The following PTPN1 variants were observed in gnomAD, a reference collection of about 807,000 sequenced individuals.
PTPN1 encodes protein tyrosine phosphatase non-receptor type 1, also known as tyrosine-protein phosphatase non-receptor type 1.
PTPN1 carries 12 observed loss-of-function variants against 59.9 expected under a neutral mutation model. That is an observed-to-expected ratio of 0.20 (90% CI 0.13 to 0.32). The LOEUF is 0.32. Ranked by LOEUF, PTPN1 falls within the 10% of genes least tolerant of loss-of-function variation. The pLI is 1.00. For missense variants in PTPN1, 356 were observed against 549.2 expected, an observed-to-expected ratio of 0.65 and a Z score of 3.52; for synonymous variants, 178 against 203.6, an observed-to-expected ratio of 0.87 and a Z score of 1.07.
At chr20:50,532,208 C>T (rs1235980290) in intron 1 of PTPN1, among the ~76,000 whole-genome samples, 2 of 152,174 alleles carry the variant, frequency 1.3e-5, no homozygotes, top group African/African-American at 4.8e-5. Flanking sequence ...ACTTTGTGTC[C>T]ATGAGTTTGT....
chr20:50,529,526 T>A (rs2082591555), intron 1 of PTPN1, among the ~76,000 whole-genome samples: 1 of 152,238 alleles, frequency 6.6e-6, no homozygotes, highest in Non-Finnish European at 1.5e-5. Flanking sequence ...GATTTTGATC[T>A]TGCCAGAAAG....
chr20:50,542,057 A>G (rs970988855), intron 1 of PTPN1, among the ~76,000 whole-genome samples: 3 of 152,228 alleles, frequency 2.0e-5, no homozygotes, highest in Non-Finnish European at 4.4e-5. Context: ...GACAGGGACC[A>G]TGACATTACT....
intron 1 of PTPN1, among the ~76,000 whole-genome samples, chr20:50,524,585 T>TTTTTTTTTTG: frequency 7.5e-6 from 1 of 133,376 alleles, no homozygotes; most frequent in Non-Finnish European, 1.6e-5. Flanking sequence ...TTTTTTTTTT[T>TTTTTTTTTTG]TTTTTTTTTG....
chr20:50,543,465 T>A (rs1468117439), intron 1 of PTPN1, among the ~76,000 whole-genome samples: 3 of 152,236 alleles, frequency 2.0e-5, no homozygotes, highest in Non-Finnish European at 4.4e-5. Flanking sequence ...AAAATAGTGA[T>A]GTGTTCATTC....
chr20:50,574,829 A>G, intron 5 of PTPN1, 175 bp downstream of exon 5: 1 of 720,178 alleles, frequency 1.4e-6, no homozygotes, highest in South Asian at 2.1e-5. Context: ...CCAAGTGCCC[A>G]GGGAGGGTGG....
At chr20:50,551,199 GATC>G (rs1400473452) in intron 1 of PTPN1, among the ~76,000 whole-genome samples, 2 of 152,212 alleles carry the variant, frequency 1.3e-5, no homozygotes, top group Non-Finnish European at 2.9e-5. Context: ...TTCATTGGGA[GATC>G]ATCTGTTACC....
chr20:50,554,697 G>T (rs1241050848), intron 1 of PTPN1, among the ~76,000 whole-genome samples: 3 of 152,094 alleles, frequency 2.0e-5, no homozygotes, highest in African/African-American at 7.2e-5. Context: ...GTGGACAAAT[G>T]CTGTTGTCGT....
Position 50,581,368 on chromosome 20 carries a change from G to A in PTPN1, c.1192G>A (p.Asp398Asn). The A allele has an allele frequency of 1.2e-6, 2 of 1,614,190 alleles. No individual in the cohort carries two copies. Among genetic ancestry groups the A allele is most frequent in the African/African-American group, 1.3e-5 (1 of 75,068 alleles). The change falls in exon 9 of 10, where the codon GAC becomes AAC. Residue 398 changes from aspartate (D) to asparagine (N), a missense_variant. Asp to Asn is a conservative substitution (Grantham distance 23). Coordinates refer to ENST00000371621, the MANE Select transcript of PTPN1 (RefSeq NM_002827.4). ...AKGEPSLPEKDEDHALSYWKP... is the reference protein window; with the variant it reads ...AKGEPSLPEKNEDHALSYWKP... The stretch of plus-strand genomic sequence containing the variant: ...AGGGGAGCCGTCACTGCCCGAGAAG[G>A]ACGAGGACCATGCACTGAGTTACTG...
intron 4 of PTPN1, among the ~76,000 whole-genome samples, chr20:50,570,119 C>A (rs892446680): frequency 5.9e-5 from 9 of 152,308 alleles, no homozygotes; most frequent in Non-Finnish European, 1.2e-4. Flanking sequence ...ACAGTCATGG[C>A]CCTAGAATGT....
At chr20:50,543,837 T>G (rs1012759173) in intron 1 of PTPN1, among the ~76,000 whole-genome samples, 2 of 152,188 alleles carry the variant, frequency 1.3e-5, no homozygotes, top group African/African-American at 4.8e-5. Context: ...TACATAAAAA[T>G]TAAAAACTTT....
chr20:50,527,101 A>G (rs575209136), intron 1 of PTPN1, among the ~76,000 whole-genome samples: 4 of 152,206 alleles, frequency 2.6e-5, no homozygotes, highest in South Asian at 2.1e-4. Context: ...GCATCTTGCA[A>G]TAAGGGGTTG....
At chr20:50,524,033 G>A (rs2082562401) in intron 1 of PTPN1, among the ~76,000 whole-genome samples, 1 of 152,104 alleles carries the variant, frequency 6.6e-6, no homozygotes, top group Non-Finnish European at 1.5e-5. Flanking sequence ...CAATGCATAT[G>A]CATTATTCTC....
chr20:50,559,571 A>G lies in PTPN1; in HGVS notation c.64-1792A>G, dbSNP rs368098548. Among the ~76,000 whole-genome samples the G allele has an allele frequency of 1.4e-4, 21 of 152,066 alleles. No homozygotes were observed. The South Asian group carries it at 3.5e-3, about 26-fold the overall frequency. ...TATGAAGAGTACTGGATGGGTCGGG[A>G]GGTTTTCTTGAATTACTTCTTGATG... On this transcript the variant is annotated intron_variant, in intron 1 of 9. Transcript: ENST00000371621.
chr20:50,579,306 A>G lies in PTPN1; in HGVS notation c.841A>G (p.Ile281Val). 6.2e-7 allele frequency: 1 copy of G among 1,614,240 alleles called. No homozygotes were observed. The highest frequency in any genetic ancestry group is 8.5e-7 in the Non-Finnish European group (1 of 1,180,042). ...YLAVIEGAKF[I>V]MGDSSVQDQW... ...GGCTGTGATCGAAGGTGCCAAATTC[A>G]TCATGGGGGACTCTTCCGTGCAGGT... Residue 281 changes from isoleucine (I) to valine (V), a missense_variant, in exon 7 of 10, where the codon ATC (isoleucine) becomes GTC (valine). Ile to Val is a conservative substitution (Grantham distance 29). Transcript: ENST00000371621.
intron 1 of PTPN1, among the ~76,000 whole-genome samples, chr20:50,514,267 C>T (rs1339388076): frequency 6.6e-6 from 1 of 152,116 alleles, no homozygotes; most frequent in Admixed American, 6.5e-5. Context: ...CGTTACTTCT[C>T]CTCCATTTTG....
intron 1 of PTPN1, among the ~76,000 whole-genome samples, chr20:50,542,994 A>G (rs1295215438): frequency 6.6e-6 from 1 of 152,218 alleles, no homozygotes. Flanking sequence ...TGTTATGCCT[A>G]TTATATGAAA....
intron 1 of PTPN1, 66 bp downstream of exon 1, chr20:50,510,656 C>G: frequency 6.7e-7 from 1 of 1,492,970 alleles, no homozygotes; most frequent in Non-Finnish European, 9.1e-7. Context: ...CCTCAGACCT[C>G]CAGGCCCCAG....
intron 1 of PTPN1, among the ~76,000 whole-genome samples, chr20:50,520,843 A>G (rs1200434755): frequency 6.6e-6 from 1 of 152,164 alleles, no homozygotes; most frequent in Non-Finnish European, 1.5e-5. Context: ...TGGGATTTTG[A>G]GGAGTTGCAT....
chr20:50,542,128 C>T (rs1291444686), intron 1 of PTPN1, among the ~76,000 whole-genome samples: 6 of 152,184 alleles, frequency 3.9e-5, no homozygotes, highest in Non-Finnish European at 8.8e-5. Flanking sequence ...GCTGCAAGTA[C>T]AATGTGGTCT....
Sources: gnomAD v4.1 joint callset for allele counts (sites outside exome capture counted in the v4.1 genomes callset) on GRCh38, gnomAD v4.1.1 for gene constraint, MANE v1.5 for transcripts, NCBI Gene and HGNC (gene_info 2026-07-23, HGNC 2026-07-21) for gene names.